Variants in GABRG1 observed in about 807,000 individuals in gnomAD.
The protein encoded by GABRG1 is gamma-aminobutyric acid type A receptor subunit gamma1, also known as gamma-aminobutyric acid receptor subunit gamma-1.
A neutral mutation model predicts 49.8 loss-of-function variants in GABRG1; 49 were observed. That is an observed-to-expected ratio of 0.98 (90% CI 0.78 to 1.25). The LOEUF (loss-of-function observed/expected upper bound fraction) is 1.25, where lower values mean the gene tolerates loss of function less well. GABRG1 is among the 50% of genes most tolerant of loss of function. The probability of loss-of-function intolerance (pLI) is 0.00; values close to 1 mark genes in which losing one functional copy is unlikely to be tolerated. For missense variants in GABRG1, 552 were observed against 552.3 expected, an observed-to-expected ratio of 1.00 and a Z score of 0.01; for synonymous variants, 232 against 185.1, an observed-to-expected ratio of 1.25 and a Z score of -2.06.
chr4:46,058,185 A>G (rs1391216801), intron 7 of GABRG1, 32 bp downstream of exon 7: 7 of 1,572,238 alleles, frequency 4.5e-6, no homozygotes, highest in Non-Finnish European at 5.2e-6. Flanking sequence ...TTAAAGTTCT[A>G]TGGCATTATA....
At chr4:46,048,655 G>T (rs951504004) in intron 8 of GABRG1, among the ~76,000 whole-genome samples, 3 of 150,724 alleles carry the variant, frequency 2.0e-5, no homozygotes, top group African/African-American at 7.3e-5. Context: ...GGAAAGGAAG[G>T]AAAGAAAGAA....
At chr4:46,057,117 A>T (rs1241770288) in intron 7 of GABRG1, among the ~76,000 whole-genome samples, 1 of 152,136 alleles carries the variant, frequency 6.6e-6, no homozygotes, top group Non-Finnish European at 1.5e-5. Context: ...AAAGAAACTC[A>T]AATAATTTAT....
chr4:46,106,713 T>C lies in GABRG1; in HGVS notation c.105-9364A>G, dbSNP rs571192013. ...CCTAACACCTCCTTTCCTTGTAACA[T>C]ATCCTGACTTTAGAAACAGTTCATT... On this transcript the variant is annotated intron_variant, in intron 1 of 8. Coordinates refer to ENST00000295452, the MANE Select transcript of GABRG1 (RefSeq NM_173536.4). Among the ~76,000 whole-genome samples the C allele has an allele frequency of 1.3e-4, 20 of 151,444 alleles. No individual in the cohort carries two copies. In the South Asian group the frequency reaches 3.1e-3, roughly 24 times the overall value.
Position 46,111,000 on chromosome 4 carries a change from GC to G in GABRG1, c.104+12809del, listed in dbSNP as rs1720694677. ...CGTAAGACTAGAAATGCTAGCCAGA[GC>G]AATATGGCAAGAGAAAGAAATAAAA... On this transcript the variant is annotated intron_variant, in intron 1 of 8. Coordinates refer to ENST00000295452, the MANE Select transcript of GABRG1 (RefSeq NM_173536.4). 2.6e-5 allele frequency among the ~76,000 whole-genome samples: 4 copies of G among 151,096 alleles called. No homozygotes were observed. In the South Asian group the frequency reaches 8.3e-4, roughly 31 times the overall value.
rs1401423022 is a variant in GABRG1, at chr4:46,097,355, T to A, written c.105-6A>T. ...CATCATCTGCCTTATCAACACTAAA[T>A]AATTCAAAGAAAAAAATGGATGGTA... is the stretch of plus-strand genomic sequence containing the variant. On this transcript the variant is annotated splice_polypyrimidine_tract_variant and splice_region_variant and intron_variant, in intron 1 of 8. Coordinates refer to ENST00000295452, the MANE Select transcript of GABRG1 (RefSeq NM_173536.4). 3.8e-6 allele frequency: 6 copies of A among 1,597,372 alleles called. No homozygotes were observed. Among genetic ancestry groups the A allele is most frequent in the Admixed American group, 1.8e-5 (1 of 56,536 alleles).
At chr4:46,068,844 G>A (rs915132833) in intron 3 of GABRG1, among the ~76,000 whole-genome samples, 20 of 151,902 alleles carry the variant, frequency 1.3e-4, no homozygotes, top group South Asian at 8.3e-4. Context: ...ACATAAAATC[G>A]AACTTCTGTT....
intron 8 of GABRG1, among the ~76,000 whole-genome samples, chr4:46,050,813 G>C (rs1476815506): frequency 6.6e-6 from 1 of 151,586 alleles, no homozygotes; most frequent in East Asian, 1.9e-4. Flanking sequence ...CAGAGTGTCT[G>C]GAACATTCAA....
At chr4:46,097,093 C>G (rs1006450151) in intron 2 of GABRG1, 108 bp downstream of exon 2, 2 of 942,904 alleles carry the variant, frequency 2.1e-6, no homozygotes, top group African/African-American at 3.4e-5. Context: ...TCAGCAGATT[C>G]TCTGACATAC....
chr4:46,045,666 T>C (rs1258705462), intron 8 of GABRG1, among the ~76,000 whole-genome samples: 1 of 151,964 alleles, frequency 6.6e-6, no homozygotes, highest in African/African-American at 2.4e-5. Context: ...TTAATCACAA[T>C]AATGAATTCA....
At chr4:46,063,780 A>T (rs940502298) in intron 5 of GABRG1, among the ~76,000 whole-genome samples, 1 of 152,140 alleles carries the variant, frequency 6.6e-6, no homozygotes, top group Non-Finnish European at 1.5e-5. Flanking sequence ...CAACCTACTT[A>T]TCTGACAAAG....
At chr4:46,070,387 A>C (rs1719070999) in intron 3 of GABRG1, among the ~76,000 whole-genome samples, 1 of 152,016 alleles carries the variant, frequency 6.6e-6, no homozygotes, top group African/African-American at 2.4e-5. Flanking sequence ...AAACTATATA[A>C]AATAGACCAT....
At position 46,040,632 on chromosome 4, in the gene GABRG1, C is replaced by CAATTATA. The variant is rs1349691444; in HGVS notation, c.*349_*355dup. ...TAGTAATTAGTCTTACATTACAAAA[C>CAATTATA]AATTATAGATTATATTTAAACAAAA... On this transcript the variant is annotated 3_prime_UTR_variant, in exon 9 of 9. Transcript: ENST00000295452. 1 of 156,054 alleles carries CAATTATA rather than the reference C, an allele frequency of 6.4e-6. No individual in the cohort carries two copies. Among genetic ancestry groups the CAATTATA allele is most frequent in the Non-Finnish European group, 1.4e-5 (1 of 70,564 alleles). 9.7% of individuals were successfully genotyped at this position (156,054 alleles called of 1,614,324 possible). A position where few individuals can be genotyped will look rare whatever the true frequency, so the allele number is the denominator to read the frequency against.
chr4:46,074,947 G>T (rs1041179523), intron 3 of GABRG1, among the ~76,000 whole-genome samples: 1 of 151,948 alleles, frequency 6.6e-6, no homozygotes. Context: ...ACTAGAGTAG[G>T]GTGCTGACTG....
intron 2 of GABRG1, among the ~76,000 whole-genome samples, chr4:46,085,406 C>T (rs1403174119): frequency 6.6e-6 from 1 of 151,202 alleles, no homozygotes; most frequent in Non-Finnish European, 1.5e-5. Flanking sequence ...GCAATTGCAC[C>T]CAGAATGAGA....
At chr4:46,057,979 T>C (rs1453852568) in intron 7 of GABRG1, among the ~76,000 whole-genome samples, 2 of 152,098 alleles carry the variant, frequency 1.3e-5, no homozygotes, top group African/African-American at 2.4e-5. Flanking sequence ...TCCCTTGGTC[T>C]TCATTAGCAG....
chr4:46,101,932 C>A (rs58872864), intron 1 of GABRG1, among the ~76,000 whole-genome samples: 1 of 151,492 alleles, frequency 6.6e-6, no homozygotes, highest in Non-Finnish European at 1.5e-5. Context: ...AATGTATACA[C>A]TCAACATTCT....
At chr4:46,050,864 T>C (rs959803731) in intron 8 of GABRG1, among the ~76,000 whole-genome samples, 1 of 151,830 alleles carries the variant, frequency 6.6e-6, no homozygotes, top group African/African-American at 2.4e-5. Flanking sequence ...TAATTGATAA[T>C]ATAAAACATA....
At chr4:46,096,997 T>C (rs913559959) in intron 2 of GABRG1, among the ~76,000 whole-genome samples, 4 of 151,702 alleles carry the variant, frequency 2.6e-5, no homozygotes, top group African/African-American at 9.7e-5. Context: ...TGGAAAATAA[T>C]TACATTAATT....
intron 3 of GABRG1, among the ~76,000 whole-genome samples, chr4:46,080,709 A>G (rs1183132354): frequency 6.6e-6 from 1 of 151,790 alleles, no homozygotes; most frequent in Non-Finnish European, 1.5e-5. Context: ...GTTTCTCTTT[A>G]CTTTAATGAC....
Sources: allele counts gnomAD v4.1 joint callset (sites outside exome capture counted in the v4.1 genomes callset), GRCh38; gene constraint gnomAD v4.1.1; transcripts MANE v1.5; gene names NCBI Gene and HGNC (gene_info 2026-07-23, HGNC 2026-07-21).